SYTL5: variants seen among roughly 807,000 people sequenced by gnomAD.
SYTL5 encodes synaptotagmin-like protein 5.
In SYTL5, 34 loss-of-function variants were observed where a neutral mutation model predicts 55.9. The observed-to-expected ratio is 0.61, with a 90% CI of 0.46 to 0.81. SYTL5 has a LOEUF of 0.81. Ranked by LOEUF, SYTL5 falls within the 30% of genes least tolerant of loss-of-function variation. The probability of loss-of-function intolerance (pLI) is 0.00; values close to 1 mark genes in which losing one functional copy is unlikely to be tolerated. For synonymous variants in SYTL5, 221 were observed against 188.7 expected, an observed-to-expected ratio of 1.17 and a Z score of -1.40; for missense variants, 637 against 546.7, an observed-to-expected ratio of 1.17 and a Z score of -1.65.
At chrX:37,911,786 T>C in the SYTL5 span, among the ~76,000 whole-genome samples, 1 of 111,553 alleles carries the variant, frequency 9.0e-6, no homozygotes, top group Non-Finnish European at 1.9e-5. Flanking sequence ...ATATGTGCTA[T>C]ATATAGGTGA....
In SYTL5 at chrX:38,126,826, AT is replaced by A. The variant is rs1167259126; in HGVS notation, c.*99del. On this transcript the variant is annotated 3_prime_UTR_variant, in exon 17 of 17. Transcript: ENST00000297875. ...AGACCTGGGATTCTGCTTCCCTGCC[AT>A]TTCTCACCTGACAGTGTTGGGACAT... 1.1e-6 allele frequency: 1 copy of A among 914,210 alleles called. No individual in the cohort carries two copies. The highest frequency in any genetic ancestry group is 1.5e-6 in the Non-Finnish European group (1 of 667,547). 75.3% of individuals were successfully genotyped at this position (914,210 alleles called of 1,213,427 possible).
the SYTL5 span, among the ~76,000 whole-genome samples, chrX:37,891,189 G>A: frequency 2.2e-4 from 25 of 111,783 alleles, no homozygotes; most frequent in African/African-American, 8.1e-4. Flanking sequence ...AATGTTCATA[G>A]GAGCATTATT....
In SYTL5 at chrX:38,106,607, C is replaced by T. The variant is rs752033276; in HGVS notation, c.1170C>T (p.Ser390=). 4 of 1,200,269 alleles carry T rather than the reference C, an allele frequency of 3.3e-6. No individual in the cohort carries two copies. Among genetic ancestry groups the T allele is most frequent in the Non-Finnish European group, 2.2e-6 (2 of 890,781 alleles). ...GTTTATTCCAGACCAGCCTTAACAG[C>T]ATGATGAGCGTTTACAGTGAAACGG... The part of the protein sequence containing the change: ...ASGLSTTSLN[S]MMSVYSETGD... The change falls in exon 11 of 17, where the codon AGC becomes AGT. Residue 390 remains serine, a synonymous_variant. Transcript: ENST00000297875.
intron 8 of SYTL5, among the ~76,000 whole-genome samples, chrX:38,095,769 G>GTTT (rs5902176): frequency 8.4e-5 from 9 of 107,388 alleles, no homozygotes; most frequent in African/African-American, 2.7e-4. Context: ...AATTGTTAAT[G>GTTT]TTTTTTTTTC....
At chrX:37,911,218 T>G in the SYTL5 span, among the ~76,000 whole-genome samples, 1 of 110,685 alleles carries the variant, frequency 9.0e-6, no homozygotes, top group Non-Finnish European at 1.9e-5. Context: ...GTGATCTGCC[T>G]GCCTCGGCCT....
chrX:38,003,185 C>T (rs938083880), upstream of SYTL5, among the ~76,000 whole-genome samples: 33 of 111,148 alleles, frequency 3.0e-4, no homozygotes, highest in East Asian at 1.7e-3. Context: ...TGTAGATATG[C>T]GGTATTATTT....
At chrX:38,038,329 G>T (rs7049976) in intron 2 of SYTL5, among the ~76,000 whole-genome samples, 25,774 of 110,793 alleles carry the variant, frequency 0.23, 5,299 homozygotes, top group African/African-American at 0.66. Context: ...CTGTACCCCC[G>T]CTTCTGTTGA....
intron 7 of SYTL5, among the ~76,000 whole-genome samples, chrX:38,090,268 G>T (rs1936765685): frequency 8.9e-6 from 1 of 111,835 alleles, no homozygotes; most frequent in Non-Finnish European, 1.9e-5. Context: ...ATTTAAATCT[G>T]GAAAAGTAGA....
At chrX:37,968,521 A>C in the SYTL5 span, among the ~76,000 whole-genome samples, 1 of 111,657 alleles carries the variant, frequency 9.0e-6, no homozygotes, top group Non-Finnish European at 1.9e-5. Context: ...GCACCCATGT[A>C]AAAAGGGCCC....
At chrX:38,066,910 A>G (rs1472651671) in intron 3 of SYTL5, among the ~76,000 whole-genome samples, 1 of 111,726 alleles carries the variant, frequency 9.0e-6, no homozygotes. Flanking sequence ...TAAATTGGTA[A>G]TGGTAATAGA....
At chrX:37,912,633 G>A in the SYTL5 span, among the ~76,000 whole-genome samples, 1 of 112,078 alleles carries the variant, frequency 8.9e-6, no homozygotes, top group African/African-American at 3.3e-5. Flanking sequence ...ATGACTCATC[G>A]AAGTGAATTA....
At chrX:37,975,574 G>A in the SYTL5 span, among the ~76,000 whole-genome samples, 1 of 111,758 alleles carries the variant, frequency 8.9e-6, no homozygotes, top group Non-Finnish European at 1.9e-5. Flanking sequence ...TGAACCTGAT[G>A]AAAGTTGGTG....
chrX:38,101,370 A>G (rs760012862), intron 9 of SYTL5, among the ~76,000 whole-genome samples: 22 of 111,210 alleles, frequency 2.0e-4, no homozygotes, highest in African/African-American at 7.2e-4. Flanking sequence ...AGACTTTTTT[A>G]AAGCAAGCCC....
the SYTL5 span, among the ~76,000 whole-genome samples, chrX:37,899,914 TA>T: frequency 9.0e-6 from 1 of 110,935 alleles, no homozygotes; most frequent in African/African-American, 3.3e-5. Context: ...TTTTCAAATT[TA>T]AAAAAAACAA....
intron 6 of SYTL5, 152 bp from the exon 7 acceptor site, chrX:38,089,294 A>G: frequency 1.3e-5 from 8 of 598,785 alleles, no homozygotes. Context: ...GAGGAAGGTA[A>G]CATGATAGTT....
Position 38,126,727 on chromosome X carries a change from C to A in SYTL5, c.2190C>A (p.Leu730=). The change falls in exon 17 of 17, where the codon CTC becomes CTA. Residue 730 remains leucine (L), a synonymous_variant. Coordinates refer to ENST00000297875, the MANE Select transcript of SYTL5 (RefSeq NM_138780.3). ...MLRSSMGKCR[L] Reference sequence around the variant, plus strand: ...GTTCCAGCATGGGAAAATGTAGGCTCTAAAGGGACCAGTTCTCCAAGAATG... The same window carrying A: ...GTTCCAGCATGGGAAAATGTAGGCTATAAAGGGACCAGTTCTCCAAGAATG... The A allele has an allele frequency of 8.3e-7, 1 of 1,205,933 alleles. No homozygotes were observed. The highest frequency in any genetic ancestry group is 1.1e-6 in the Non-Finnish European group (1 of 892,818).
the SYTL5 span, among the ~76,000 whole-genome samples, chrX:37,954,154 T>C: frequency 5.4e-5 from 6 of 111,576 alleles, no homozygotes; most frequent in Non-Finnish European, 1.1e-4. Context: ...CATCAGTAAG[T>C]TAATGGAAGG....
intron 3 of SYTL5, among the ~76,000 whole-genome samples, chrX:38,060,937 C>T (rs1372426192): frequency 1.8e-5 from 2 of 111,941 alleles, no homozygotes; most frequent in Admixed American, 9.4e-5. Context: ...CATTCATTAA[C>T]CCATCCATCT....
chrX:38,043,747 A>G (rs1428084574), intron 2 of SYTL5, among the ~76,000 whole-genome samples: 1 of 99,907 alleles, frequency 1.0e-5, no homozygotes, highest in Non-Finnish European at 2.0e-5. Context: ...TTACATATAC[A>G]TACTATATAT....
Sources: gnomAD v4.1 joint callset for allele counts (sites outside exome capture counted in the v4.1 genomes callset) on GRCh38, gnomAD v4.1.1 for gene constraint, MANE v1.5 for transcripts, NCBI Gene and HGNC (gene_info 2026-07-23, HGNC 2026-07-21) for gene names.